ASAH2: variants seen among roughly 807,000 people sequenced by gnomAD.
The protein encoded by ASAH2 is N-acylsphingosine amidohydrolase 2.
Under a neutral mutation model 82.9 loss-of-function variants are expected in ASAH2, and 58 were observed. The observed-to-expected ratio is 0.70, with a 90% confidence interval of 0.57 to 0.87. The LOEUF (loss-of-function observed/expected upper bound fraction) is 0.87. ASAH2 is among the 40% of genes least tolerant of loss of function. ASAH2 has a pLI of 0.00. For missense variants in ASAH2, 779 were observed against 834.0 expected, an observed-to-expected ratio of 0.93 and a Z score of 0.81; for synonymous variants, 276 against 289.7, an observed-to-expected ratio of 0.95 and a Z score of 0.48.
At chr10:50,211,951 C>T (rs958454826) in intron 10 of ASAH2, among the ~76,000 whole-genome samples, 3 of 152,126 alleles carry the variant, frequency 2.0e-5, no homozygotes, top group South Asian at 2.1e-4. Context: ...GACTCTCCGG[C>T]TCAGAATGGG....
intron 18 of ASAH2, among the ~76,000 whole-genome samples, chr10:50,195,187 A>G (rs1844944514): frequency 6.6e-6 from 1 of 151,676 alleles, no homozygotes; most frequent in Non-Finnish European, 1.5e-5. Context: ...TACTCAAACA[A>G]CTCTATAGCA....
intron 7 of ASAH2, among the ~76,000 whole-genome samples, chr10:50,228,854 AAGG>A (rs1203709856): frequency 1.3e-5 from 2 of 152,064 alleles, no homozygotes; most frequent in African/African-American, 2.4e-5. Flanking sequence ...AAGGAGAAGG[AAGG>A]AGAAGAGGAG....
chr10:50,230,188 A>G (rs996229834), intron 7 of ASAH2, among the ~76,000 whole-genome samples: 2 of 152,212 alleles, frequency 1.3e-5, no homozygotes, highest in Non-Finnish European at 2.9e-5. Flanking sequence ...TCCCTAGTGC[A>G]GACTTGCTGA....
intron 15 of ASAH2, 22 bp downstream of exon 15, chr10:50,203,618 T>A: frequency 6.2e-7 from 1 of 1,605,088 alleles, no homozygotes; most frequent in South Asian, 1.1e-5. Context: ...CATGTAGATA[T>A]GTTATTTTAT....
chr10:50,198,067 A>T (rs941686928), intron 17 of ASAH2, among the ~76,000 whole-genome samples: 3 of 92,142 alleles, frequency 3.3e-5, no homozygotes, highest in Non-Finnish European at 6.3e-5. Context: ...AATTTCAAAC[A>T]CACAATCAGT....
At position 50,245,469 on chromosome 10, in the gene ASAH2, G is replaced by A. The variant is rs781230478; in HGVS notation, c.128-15C>T. 4.9e-5 allele frequency: 79 copies of A among 1,597,262 alleles called. 1 individual carries two copies. In the Middle Eastern group the frequency reaches 1.5e-3, roughly 29 times the overall value. On this transcript the variant is annotated splice_polypyrimidine_tract_variant and intron_variant, in intron 2 of 20. Coordinates refer to ENST00000682911, the MANE Select transcript of ASAH2 (RefSeq NM_019893.4). ...GCCTCCTAAATCTAAAACAGAATAAGAGATTTGAGAAACAACATTTCAGCC... is the reference window on the plus strand; with the variant it reads ...GCCTCCTAAATCTAAAACAGAATAAAAGATTTGAGAAACAACATTTCAGCC...
intron 15 of ASAH2, 54 bp downstream of exon 15, chr10:50,203,586 T>C: frequency 1.2e-6 from 1 of 834,154 alleles, no homozygotes; most frequent in Non-Finnish European, 1.9e-6. Context: ...TAGGATATAC[T>C]TTCCTCTTCA....
rs1036539176 is a variant in ASAH2, at chr10:50,243,073, G to A, written c.510+129C>T. The A allele has an allele frequency of 5.7e-6, 6 of 1,055,178 alleles. No homozygotes were observed. In the South Asian group the frequency reaches 5.9e-5, roughly 10 times the overall value. 65.4% of individuals were successfully genotyped at this position (1,055,178 alleles called of 1,614,324 possible). A position where few individuals can be genotyped will look rare whatever the true frequency, so the allele number is the denominator to read the frequency against. On this transcript the variant is annotated intron_variant, in intron 4 of 20. Coordinates refer to ENST00000682911, the MANE Select transcript of ASAH2 (RefSeq NM_019893.4). ...AAGATTATCTGCTATATTGTCCAGAGCGTATAATATTGAAGGTAATAGAAT... is the reference window on the plus strand; with the variant it reads ...AAGATTATCTGCTATATTGTCCAGAACGTATAATATTGAAGGTAATAGAAT...
intron 16 of ASAH2, among the ~76,000 whole-genome samples, chr10:50,201,133 A>G (rs918933570): frequency 2.0e-5 from 3 of 151,932 alleles, no homozygotes; most frequent in African/African-American, 7.2e-5. Context: ...TGGACAGCCA[A>G]ACTCCAGGGG....
chr10:50,234,654 G>C, intron 5 of ASAH2, 102 bp from the exon 6 acceptor site: 1 of 1,490,028 alleles, frequency 6.7e-7, no homozygotes, highest in East Asian at 2.3e-5. Context: ...AATTTCCTTT[G>C]TCTCTAATGG....
At chr10:50,250,790 G>T (rs556625082) in intron 1 of ASAH2, among the ~76,000 whole-genome samples, 1 of 152,174 alleles carries the variant, frequency 6.6e-6, no homozygotes, top group South Asian at 2.1e-4. Context: ...CTAGTTTTGC[G>T]TTGGTGAGCT....
intron 12 of ASAH2, among the ~76,000 whole-genome samples, chr10:50,208,312 G>A (rs1352870446): frequency 6.6e-6 from 1 of 151,704 alleles, no homozygotes; most frequent in Non-Finnish European, 1.5e-5. Context: ...AGGCAATTAG[G>A]CAAGAAAAAG....
chr10:50,220,476 G>A (rs889522584), intron 7 of ASAH2, among the ~76,000 whole-genome samples: 19 of 106,174 alleles, frequency 1.8e-4, no homozygotes, highest in African/African-American at 5.4e-4. Context: ...GTCCTTTGCC[G>A]GAACATAGAT....
intron 5 of ASAH2, among the ~76,000 whole-genome samples, chr10:50,235,353 G>A (rs1846130639): frequency 1.3e-5 from 2 of 152,006 alleles, no homozygotes; most frequent in Non-Finnish European, 2.9e-5. Context: ...TAAGCTGAAA[G>A]ACAGAAAAGA....
chr10:50,232,583 T>C lies in ASAH2; in HGVS notation c.893+601A>G, dbSNP rs1029634513. The stretch of plus-strand genomic sequence containing the variant: ...ATCACATATGAATGCAAATTCCTTA[T>C]TTTCAAGAAAACAAAATCCATGTGT... On this transcript the variant is annotated intron_variant, in intron 7 of 20. Transcript: ENST00000682911. Among the ~76,000 whole-genome samples, 1,142 of 152,294 alleles carry C rather than the reference T, an allele frequency of 7.5e-3. 8 individuals are homozygous for C. The highest frequency in any genetic ancestry group is 0.014 in the South Asian group (66 of 4,828).
chr10:50,210,927 A>G lies in ASAH2; in HGVS notation c.1333-23T>C, dbSNP rs370757287. The G allele has an allele frequency of 5.9e-4, 949 of 1,611,644 alleles. 4 individuals carry two copies. The African/African-American group carries it at 8.4e-3, about 14-fold the overall frequency. ...TGACTAAAGGAAAAGTTTTAAAAAC[A>G]AAACAAAAATGAAAAAGACAAAAGT... On this transcript the variant is annotated intron_variant, in intron 11 of 20. Transcript: ENST00000682911.
At chr10:50,197,532 G>C (rs1215123227) in intron 17 of ASAH2, among the ~76,000 whole-genome samples, 1 of 151,728 alleles carries the variant, frequency 6.6e-6, no homozygotes, top group Non-Finnish European at 1.5e-5. Flanking sequence ...AAAGTAATTG[G>C]CATTTTGCCA....
intron 4 of ASAH2, among the ~76,000 whole-genome samples, chr10:50,236,732 A>G (rs1846169882): frequency 6.6e-6 from 1 of 152,140 alleles, no homozygotes; most frequent in African/African-American, 2.4e-5. Flanking sequence ...AGTATTGTTA[A>G]GCCCATTTTT....
intron 1 of ASAH2, among the ~76,000 whole-genome samples, chr10:50,249,108 C>T (rs533314408): frequency 6.4e-4 from 98 of 152,274 alleles, no homozygotes; most frequent in South Asian, 2.1e-3. Flanking sequence ...TGGTCATGGA[C>T]TTAGTAGAAT....
Sources: allele counts gnomAD v4.1 joint callset (sites outside exome capture counted in the v4.1 genomes callset), GRCh38; gene constraint gnomAD v4.1.1; transcripts MANE v1.5; gene names NCBI Gene and HGNC (gene_info 2026-07-23, HGNC 2026-07-21).